GCSAML: variants seen among roughly 807,000 people sequenced by gnomAD.
GCSAML encodes germinal center associated signaling and motility like, also known as germinal center-associated signaling and motility-like protein.
In GCSAML, 9 loss-of-function variants were observed where a neutral mutation model predicts 13.0. That is an observed-to-expected ratio of 0.69 (90% CI 0.42 to 1.21). The LOEUF (loss-of-function observed/expected upper bound fraction) is 1.21, where lower values mean the gene tolerates loss of function less well. GCSAML is among the 50% of genes most tolerant of loss of function. The probability of loss-of-function intolerance (pLI) is 0.00; values close to 1 mark genes in which losing one functional copy is unlikely to be tolerated. For missense variants in GCSAML, 143 were observed against 153.4 expected (o/e 0.93, Z 0.36); for synonymous variants, 37 against 52.9 (o/e 0.70, Z 1.31).
chr1:247,566,356 C>T (rs1390274847), intron 4 of GCSAML, among the ~76,000 whole-genome samples: 1 of 152,132 alleles, frequency 6.6e-6, no homozygotes, highest in Non-Finnish European at 1.5e-5. Context: ...GATTCTGGTG[C>T]CTCAGCCTCC....
chr1:247,574,244 G>A lies in GCSAML; in HGVS notation c.270G>A (p.Glu90=). The change falls in exon 5 of 5, where the codon GAG becomes GAA. Residue 90 remains glutamate (E), a synonymous_variant. Transcript: ENST00000366488. Reference sequence around the variant, plus strand: ...TGAGCTCCAATGATGATGGCTATGAGAACATTGACTCCCTCACAAGGAAAG... The same window carrying A: ...TGAGCTCCAATGATGATGGCTATGAAAACATTGACTCCCTCACAAGGAAAG... ...SSLSSNDDGY[E]NIDSLTRKVR... is the part of the protein sequence containing the mutation. The A allele has an allele frequency of 3.7e-6, 6 of 1,614,112 alleles. No individual in the cohort carries two copies. The highest frequency in any genetic ancestry group is 5.1e-6 in the Non-Finnish European group (6 of 1,180,012).
At chr1:247,519,518 G>A (rs1362090615) in intron 1 of GCSAML, 2 of 152,172 alleles carry the variant, frequency 1.3e-5, no homozygotes, top group Non-Finnish European at 2.9e-5. Flanking sequence ...TGCCCCCTCA[G>A]GCCCTAAGCA....
upstream of GCSAML, among the ~76,000 whole-genome samples, chr1:247,546,486 G>A (rs923344112): frequency 1.3e-5 from 2 of 152,030 alleles, no homozygotes; most frequent in African/African-American, 4.8e-5. Context: ...AGCCTCCCGA[G>A]TAGCTGGGAC....
rs756795972 is a variant in GCSAML, at chr1:247,549,265, C to T, written c.29+45C>T. ...GCCGCCTTTCTTGGGAGAAAGAGAA[C>T]AGAGATAAGGAGGCTGGACATAACG... On this transcript the variant is annotated intron_variant, in intron 1 of 4. Coordinates refer to ENST00000366488, the MANE Select transcript of GCSAML (RefSeq NM_145278.5). The T allele has an allele frequency of 2.6e-6, 4 of 1,535,906 alleles. No homozygotes were observed. The African/African-American group carries it at 5.5e-5, about 21-fold the overall frequency.
At chr1:247,566,442 A>G (rs1194852929) in intron 4 of GCSAML, among the ~76,000 whole-genome samples, 3 of 152,216 alleles carry the variant, frequency 2.0e-5, no homozygotes, top group South Asian at 2.1e-4. Flanking sequence ...GGGTTTCACT[A>G]TGTTGGCCAG....
At position 247,575,220 on chromosome 1, in the gene GCSAML, C is replaced by A. The variant is rs944881750; in HGVS notation, c.*838C>A. The A allele has an allele frequency of 2.0e-5, 3 of 152,252 alleles. No homozygotes were observed. The highest frequency in any genetic ancestry group is 4.4e-5 in the Non-Finnish European group (3 of 68,028). 9.4% of individuals were successfully genotyped at this position (152,252 alleles called of 1,614,324 possible). On this transcript the variant is annotated 3_prime_UTR_variant, in exon 5 of 5. Transcript: ENST00000366488. ...TGTATAAAAGTAAACGGTGACCTGA[C>A]CACCTCAGGCACACTTTCTCAGGAC... is the stretch of plus-strand genomic sequence containing the variant.
chr1:247,561,079 A>C (rs1668110738), intron 2 of GCSAML, among the ~76,000 whole-genome samples: 1 of 151,956 alleles, frequency 6.6e-6, no homozygotes, highest in Non-Finnish European at 1.5e-5. Flanking sequence ...TCAGCCTCCC[A>C]AGTAGCTGAG....
At chr1:247,534,843 A>T (rs917356794) in intron 2 of GCSAML, among the ~76,000 whole-genome samples, 1 of 152,200 alleles carries the variant, frequency 6.6e-6, no homozygotes, top group East Asian at 1.9e-4. Flanking sequence ...CATGTATAGA[A>T]ATGAGGCTCA....
At position 247,542,220 on chromosome 1, in the gene GCSAML, A is replaced by G. The variant is rs1272553267; in HGVS notation, c.-147-6825A>G. Among the ~76,000 whole-genome samples the G allele has an allele frequency of 3.3e-5, 5 of 152,166 alleles. No individual in the cohort carries two copies. In the East Asian group the frequency reaches 9.6e-4, roughly 29 times the overall value. On this transcript the variant is annotated intron_variant, in intron 2 of 5. Transcript: ENST00000366489. ...GAGCCCAGGAGTTCTAAGCTTTAGC[A>G]TGCTCTGATCATGCCTGGGAATAGC...
rs1666697728 is a variant in GCSAML, at chr1:247,526,759, T to A, written c.-262-181T>A. The A allele has an allele frequency of 2.8e-6, 1 of 360,070 alleles. No homozygotes were observed. Among genetic ancestry groups the A allele is most frequent in the East Asian group, 7.4e-5 (1 of 13,574 alleles). 22.3% of individuals were successfully genotyped at this position (360,070 alleles called of 1,614,324 possible). A position where few individuals can be genotyped will look rare whatever the true frequency, so the allele number is the denominator to read the frequency against. Reference sequence around the variant, plus strand: ...AAGCCTATGGTTGCTGCAAGAGGAATAAAAGAAAAGATGGAGCCTAGAAAA... The same window carrying A: ...AAGCCTATGGTTGCTGCAAGAGGAAAAAAAGAAAAGATGGAGCCTAGAAAA... On this transcript the variant is annotated intron_variant, in intron 1 of 5. Coordinates refer to the GCSAML transcript ENST00000366489. This position sits in a 1 kb window ranked among gnomAD's most constrained non-coding sequence, Gnocchi z 4.8.
chr1:247,544,407 G>A (rs1667503132), upstream of GCSAML, among the ~76,000 whole-genome samples: 1 of 152,134 alleles, frequency 6.6e-6, no homozygotes. Context: ...GCTGCACGTA[G>A]GGAAACACAA....
At chr1:247,513,824 A>G (rs1421583050) in intron 1 of GCSAML, among the ~76,000 whole-genome samples, 1 of 151,938 alleles carries the variant, frequency 6.6e-6, no homozygotes, top group African/African-American at 2.4e-5. Context: ...CTTTCTGCTC[A>G]CCCTCTGTGG....
Position 247,574,420 on chromosome 1 carries a change from A to G in GCSAML, c.*38A>G, listed in dbSNP as rs371306423. On this transcript the variant is annotated 3_prime_UTR_variant, in exon 5 of 5. Transcript: ENST00000366488. Reference sequence around the variant, plus strand: ...GCTTTATCACCTTCCAGCAATGAAGACAATGCAGAATAGCAGACTCTGGCG... The same window carrying G: ...GCTTTATCACCTTCCAGCAATGAAGGCAATGCAGAATAGCAGACTCTGGCG... 6 of 1,607,742 alleles carry G rather than the reference A, an allele frequency of 3.7e-6. No homozygotes were observed. Among genetic ancestry groups the G allele is most frequent in the Admixed American group, 3.3e-5 (2 of 59,776 alleles).
intron 2 of GCSAML, among the ~76,000 whole-genome samples, chr1:247,561,867 T>C (rs1038066795): frequency 2.0e-5 from 3 of 152,064 alleles, no homozygotes; most frequent in Non-Finnish European, 4.4e-5. Context: ...TGAACCAAAC[T>C]GAGGGCGGCT....
intron 2 of GCSAML, among the ~76,000 whole-genome samples, chr1:247,536,653 T>C (rs1205115716): frequency 6.6e-6 from 1 of 152,162 alleles, no homozygotes; most frequent in Non-Finnish European, 1.5e-5. Context: ...AAAAAAGCTT[T>C]TGGGATTTCT....
At chr1:247,573,489 C>T (rs1328921223) in intron 4 of GCSAML, among the ~76,000 whole-genome samples, 1 of 152,158 alleles carries the variant, frequency 6.6e-6, no homozygotes, top group Non-Finnish European at 1.5e-5. Context: ...ATGCCCCACC[C>T]TGCTTCTGTT....
At chr1:247,562,822 CTT>C (rs1254430333) in intron 2 of GCSAML, among the ~76,000 whole-genome samples, 3 of 144,728 alleles carry the variant, frequency 2.1e-5, no homozygotes, top group African/African-American at 4.9e-5. Flanking sequence ...CTGGCCCACA[CTT>C]ATTTTTTTTT....
intron 2 of GCSAML, chr1:247,532,279 A>G (rs774311330): frequency 4.3e-6 from 7 of 1,614,092 alleles, no homozygotes; most frequent in African/African-American, 4.0e-5. Flanking sequence ...CTGTGGGACA[A>G]TGCTCGTGGT....
intron 2 of GCSAML, chr1:247,532,403 T>C (rs1449021917): frequency 6.2e-7 from 1 of 1,613,952 alleles, no homozygotes; most frequent in East Asian, 2.2e-5. Flanking sequence ...ATCGATACCA[T>C]GTAAAAACTC....
Sources: allele counts gnomAD v4.1 joint callset (sites outside exome capture counted in the v4.1 genomes callset), GRCh38; gene constraint gnomAD v4.1.1; non-coding constraint Gnocchi (gnomAD v3.1); transcripts MANE v1.5; gene names NCBI Gene and HGNC (gene_info 2026-07-23, HGNC 2026-07-21).